SLC35D4: variants seen among roughly 807,000 people sequenced by gnomAD.
The protein encoded by SLC35D4 is UDP-N-acetylglucosamine transporter SLC35D4.
At chr18:23,365,755 A>G in the SLC35D4 span, 2 of 1,493,020 alleles carry the variant, frequency 1.3e-6, no homozygotes, top group South Asian at 1.2e-5. Context: ...GGAAATAGTT[A>G]AATATGCCTA....
chr18:23,415,259 G>C, the SLC35D4 span, among the ~76,000 whole-genome samples: 1 of 152,118 alleles, frequency 6.6e-6, no homozygotes, highest in Non-Finnish European at 1.5e-5. Context: ...ACAGACTCTT[G>C]ATGAAAAATT....
the SLC35D4 span, among the ~76,000 whole-genome samples, chr18:23,354,469 G>A: frequency 1.1e-4 from 16 of 148,534 alleles, no homozygotes; most frequent in South Asian, 4.3e-4. Flanking sequence ...GCAGTGAGCC[G>A]AGATCGCACC....
At chr18:23,409,672 G>A in the SLC35D4 span, among the ~76,000 whole-genome samples, 11 of 152,098 alleles carry the variant, frequency 7.2e-5, no homozygotes, top group East Asian at 1.4e-3. Flanking sequence ...GTAAAACACC[G>A]TCTCAACTAA....
the SLC35D4 span, among the ~76,000 whole-genome samples, chr18:23,389,353 T>C: frequency 6.6e-6 from 1 of 152,186 alleles, no homozygotes; most frequent in Non-Finnish European, 1.5e-5. Flanking sequence ...CTAAAATGGA[T>C]GAACTCAGAG....
chr18:23,295,145 C>T, the SLC35D4 span, among the ~76,000 whole-genome samples: 5 of 151,394 alleles, frequency 3.3e-5, no homozygotes, highest in East Asian at 9.7e-4. Flanking sequence ...AGTTTGACAT[C>T]CTAGATGAAG....
chr18:23,363,920 A>T, the SLC35D4 span, among the ~76,000 whole-genome samples: 1 of 152,242 alleles, frequency 6.6e-6, no homozygotes, highest in Non-Finnish European at 1.5e-5. Flanking sequence ...TGGAGTTTTG[A>T]GAAGTCATCG....
At chr18:23,254,810 C>G in the SLC35D4 span, among the ~76,000 whole-genome samples, 1 of 152,204 alleles carries the variant, frequency 6.6e-6, no homozygotes, top group East Asian at 1.9e-4. Context: ...GACCTAATCA[C>G]TCCCAAAGGC....
At chr18:23,352,059 T>TGAAG in the SLC35D4 span, 31 of 598,090 alleles carry the variant, frequency 5.2e-5, no homozygotes, top group Non-Finnish European at 7.9e-5. Flanking sequence ...GTTACCTGAA[T>TGAAG]GAAGGAAGGA....
the SLC35D4 span, among the ~76,000 whole-genome samples, chr18:23,309,337 A>G: frequency 2.6e-5 from 4 of 152,014 alleles, no homozygotes; most frequent in Non-Finnish European, 5.9e-5. Context: ...ATACATATAT[A>G]TACACATAGT....
the SLC35D4 span, chr18:23,257,630 G>A: frequency 8.5e-6 from 3 of 354,446 alleles, no homozygotes; most frequent in South Asian, 2.5e-4. Context: ...GTCCACTAGC[G>A]AGAATCCCTA....
chr18:23,246,633 C>T, the SLC35D4 span, among the ~76,000 whole-genome samples: 2,030 of 151,578 alleles, frequency 0.013, 37 homozygotes, highest in Middle Eastern at 0.031. Flanking sequence ...CCTTGTGATC[C>T]GCCCACCTTG....
At chr18:23,368,361 T>C in the SLC35D4 span, among the ~76,000 whole-genome samples, 22 of 152,304 alleles carry the variant, frequency 1.4e-4, no homozygotes, top group African/African-American at 4.8e-4. Flanking sequence ...GTTGGGAAGA[T>C]GGACCCAAGG....
At chr18:23,310,107 G>T in the SLC35D4 span, 1 of 580,536 alleles carries the variant, frequency 1.7e-6, no homozygotes, top group Non-Finnish European at 2.2e-6. Context: ...TCTCAGCAGT[G>T]CAGAACTCGT....
At chr18:23,409,845 TAA>T in the SLC35D4 span, among the ~76,000 whole-genome samples, 5 of 29,708 alleles carry the variant, frequency 1.7e-4, no homozygotes, top group Non-Finnish European at 2.8e-4. Context: ...CTCCGTCTCT[TAA>T]AAAAAAAAAA....
chr18:23,410,939 A>G, the SLC35D4 span, among the ~76,000 whole-genome samples: 1 of 152,266 alleles, frequency 6.6e-6, no homozygotes, highest in African/African-American at 2.4e-5. Flanking sequence ...AACTAGGCAC[A>G]TGCAACTAAT....
At chr18:23,298,175 A>T in the SLC35D4 span, 1 of 1,269,770 alleles carries the variant, frequency 7.9e-7, no homozygotes, top group Non-Finnish European at 1.1e-6. Context: ...TGCAACTGAG[A>T]CTCATCACCA....
chr18:23,278,265 C>A, the SLC35D4 span, among the ~76,000 whole-genome samples: 1 of 152,144 alleles, frequency 6.6e-6, no homozygotes, highest in Non-Finnish European at 1.5e-5. Context: ...TCCCAGAAGG[C>A]GCCTGGAAGG....
the SLC35D4 span, among the ~76,000 whole-genome samples, chr18:23,349,144 CTT>C: frequency 9.2e-5 from 14 of 152,296 alleles, 2 homozygotes; most frequent in South Asian, 2.9e-3. Flanking sequence ...GTCTAGATCT[CTT>C]TTTGTTTATC....
chr18:23,392,601 C>T, the SLC35D4 span, among the ~76,000 whole-genome samples: 4 of 152,110 alleles, frequency 2.6e-5, no homozygotes, highest in African/African-American at 9.7e-5. Flanking sequence ...CATACCTTGC[C>T]GGAGCTCCTC....
Sources: allele counts gnomAD v4.1 joint callset (sites outside exome capture counted in the v4.1 genomes callset), GRCh38; gene constraint gnomAD v4.1.1; transcripts MANE v1.5; gene names NCBI Gene and HGNC (gene_info 2026-07-23, HGNC 2026-07-21).